CD63: variants seen among roughly 807,000 people sequenced by gnomAD.
CD63 encodes CD63 molecule, also known as CD63 antigen.
In CD63, 16 loss-of-function variants were observed where a neutral mutation model predicts 29.2. The observed-to-expected ratio is 0.55, with a 90% confidence interval of 0.37 to 0.83. CD63 has a LOEUF of 0.83. Among genes scored for constraint, CD63 ranks in the 40% least tolerant of loss-of-function variants. The pLI, the probability that CD63 is intolerant of heterozygous loss-of-function variation, is 0.00. For missense variants in CD63, 251 were observed against 297.3 expected, an observed-to-expected ratio of 0.84 and a Z score of 1.15; for synonymous variants, 118 against 111.7, an observed-to-expected ratio of 1.06 and a Z score of -0.36.
chr12:55,728,923 C>T lies in CD63; in HGVS notation c.-12+30G>A. The T allele has an allele frequency of 3.0e-6, 3 of 985,650 alleles. No homozygotes were observed. The highest frequency in any genetic ancestry group is 3.6e-6 in the Non-Finnish European group (3 of 830,024). 61.1% of individuals were successfully genotyped at this position (985,650 alleles called of 1,614,324 possible). ...TGCGGGTGGTCTCTCCCAGCCCGCGCCGAAGTCCGCCGGGTCCCCGCGGCC... is the reference window on the plus strand; with the variant it reads ...TGCGGGTGGTCTCTCCCAGCCCGCGTCGAAGTCCGCCGGGTCCCCGCGGCC... On this transcript the variant is annotated intron_variant, in intron 1 of 7. Coordinates refer to ENST00000257857, the MANE Select transcript of CD63 (RefSeq NM_001780.6). The surrounding 1 kb of genome is among the most constrained non-coding windows in gnomAD (Gnocchi z 4.8).
upstream of CD63, chr12:55,729,054 C>T (rs921172575): frequency 1.0e-6 from 1 of 985,464 alleles, no homozygotes; most frequent in Middle Eastern, 5.2e-4. Context: ...GCGGCCCCGC[C>T]CCGGGCTCCA....
intron 4 of CD63, 45 bp downstream of exon 4, chr12:55,726,845 C>A: frequency 1.2e-6 from 2 of 1,608,294 alleles, no homozygotes; most frequent in Non-Finnish European, 1.7e-6. Context: ...GCACCAGGGT[C>A]CCAGACCCGG....
chr12:55,724,051 T>C, downstream of CD63: 1 of 1,608,110 alleles, frequency 6.2e-7, no homozygotes, highest in Non-Finnish European at 8.5e-7. Flanking sequence ...TCACCAAGTG[T>C]GAGTAGCCAG....
At chr12:55,726,324 GAT>G in intron 5 of CD63, 63 bp from the exon 6 acceptor site, 1 of 612,158 alleles carries the variant, frequency 1.6e-6, no homozygotes, top group Non-Finnish European at 2.9e-6. Context: ...TCAATATGGA[GAT>G]GAGAATTCTT....
downstream of CD63, chr12:55,723,550 GTTTTT>G (rs769146695): frequency 1.4e-4 from 47 of 325,178 alleles, no homozygotes; most frequent in Non-Finnish European, 2.6e-4. Context: ...GCTGATAATG[GTTTTT>G]TTTATTTTTA....
rs1877457429 is a variant in CD63 at position 55,726,943 on chromosome 12, TAA to T, written c.275_276del (p.Leu92HisfsTer16). On this transcript the variant is annotated frameshift_variant, in exon 4 of 8. Transcript: ENST00000257857. LOFTEE classifies it high-confidence loss of function. ...GCTGCGGCCACCTCCACCAACATGATAAGAGACAGAAAGATGGCAAACTGCAG... is the reference window on the plus strand; with the variant it reads ...GCTGCGGCCACCTCCACCAACATGATGAGACAGAAAGATGGCAAACTGCAG... ...LMITFAIFLS[L>X]IMLVEVAAAI... 6.2e-7 allele frequency: 1 copy of T among 1,613,842 alleles called. No homozygotes were observed. The highest frequency in any genetic ancestry group is 1.3e-5 in the African/African-American group (1 of 74,842).
rs1339576333 is a variant in CD63, at chr12:55,728,360, A to G, written c.-11-8T>C. ...CCGCCATGGCTGCCGGGCCTGGGGCAGAGGGGAGGGCGGGGGGATTAAAAC... is the reference window on the plus strand; with the variant it reads ...CCGCCATGGCTGCCGGGCCTGGGGCGGAGGGGAGGGCGGGGGGATTAAAAC... On this transcript the variant is annotated splice_region_variant and splice_polypyrimidine_tract_variant and intron_variant, in intron 1 of 7. Transcript: ENST00000257857. This position sits in a 1 kb window ranked among gnomAD's most constrained non-coding sequence, Gnocchi z 4.8. 3 of 1,606,760 alleles carry G rather than the reference A, an allele frequency of 1.9e-6. No individual in the cohort carries two copies. The highest frequency in any genetic ancestry group is 2.5e-6 in the Non-Finnish European group (3 of 1,177,408).
downstream of CD63, chr12:55,724,759 G>A (rs1877128302): frequency 1.6e-6 from 1 of 625,732 alleles, no homozygotes; most frequent in Non-Finnish European, 2.9e-6. Flanking sequence ...CACGGTCTCT[G>A]GCCTGTTCAG....
At chr12:55,726,565 G>C (rs894507898) in intron 5 of CD63, 135 bp downstream of exon 5, 15 of 740,560 alleles carry the variant, frequency 2.0e-5, no homozygotes, top group Non-Finnish European at 3.3e-5. Flanking sequence ...GGCTAGTCTT[G>C]AACTTCTGAC....
At position 55,728,413 on chromosome 12, in the gene CD63, G is replaced by T; in HGVS notation, c.-11-61C>A. The stretch of plus-strand genomic sequence containing the variant: ...GCCGAAGGGGGACCTCGGTTTCCGG[G>T]CTCCCGGCCGGCCCTCGAGGGCTTC... On this transcript the variant is annotated intron_variant, in intron 1 of 7. Coordinates refer to ENST00000257857, the MANE Select transcript of CD63 (RefSeq NM_001780.6). The surrounding 1 kb of genome is among the most constrained non-coding windows in gnomAD (Gnocchi z 4.8). 6.4e-7 allele frequency: 1 copy of T among 1,554,742 alleles called. No individual in the cohort carries two copies. The highest frequency in any genetic ancestry group is 8.7e-7 in the Non-Finnish European group (1 of 1,150,144).
intron 7 of CD63, 63 bp from the exon 8 acceptor site, chr12:55,725,689 T>C (rs1238285597): frequency 7.8e-6 from 12 of 1,535,704 alleles, no homozygotes; most frequent in Non-Finnish European, 9.0e-6. Context: ...CTCAGACCCA[T>C]GCAAGAGACT....
At chr12:55,723,987 C>T, downstream of CD63, 2 of 1,613,808 alleles carry the variant, frequency 1.2e-6, no homozygotes, top group Non-Finnish European at 1.7e-6. Flanking sequence ...ACCCTGCAGG[C>T]CTGCTGGGCA....
chr12:55,727,099 A>T (rs1877477956), intron 3 of CD63, 52 bp downstream of exon 3: 2 of 1,576,566 alleles, frequency 1.3e-6, no homozygotes, highest in African/African-American at 2.7e-5. Flanking sequence ...AGCCCGAACC[A>T]AGCTGCTCTG....
chr12:55,725,191 C>A, downstream of CD63: 1 of 303,498 alleles, frequency 3.3e-6, no homozygotes. Context: ...GCAGGTGGGA[C>A]CTTTCTGGGG....
Position 55,725,558 on chromosome 12 carries a change from C to G in CD63, c.*3G>C. Reference sequence around the variant, plus strand: ...AGATGAGGAGGCTGAGGAGACCAGACCCCTACATCACCTCGTAGCCACTTC... The same window carrying G: ...AGATGAGGAGGCTGAGGAGACCAGAGCCCTACATCACCTCGTAGCCACTTC... On this transcript the variant is annotated 3_prime_UTR_variant, in exon 8 of 8. Coordinates refer to ENST00000257857, the MANE Select transcript of CD63 (RefSeq NM_001780.6). 1 of 1,612,652 alleles carries G rather than the reference C, an allele frequency of 6.2e-7. No individual in the cohort carries two copies. The highest frequency in any genetic ancestry group is 8.5e-7 in the Non-Finnish European group (1 of 1,178,732).
upstream of CD63, chr12:55,729,223 A>C: frequency 2.4e-6 from 2 of 842,794 alleles, no homozygotes; most frequent in South Asian, 5.4e-5. Context: ...CACCCCCGCA[A>C]AGGGAAAGCC....
chr12:55,728,030 G>T lies in CD63; in HGVS notation c.66+246C>A. 1 of 861,274 alleles carries T rather than the reference G, an allele frequency of 1.2e-6. No homozygotes were observed. The highest frequency in any genetic ancestry group is 1.7e-6 in the Non-Finnish European group (1 of 591,036). 53.4% of individuals were successfully genotyped at this position (861,274 alleles called of 1,614,324 possible). A position where few individuals can be genotyped will look rare whatever the true frequency, so the allele number is the denominator to read the frequency against. The stretch of plus-strand genomic sequence containing the variant: ...CATATCACAAGTGGTTGGGTCACCA[G>T]ACAGGAAGGGCCAGGAGGGATGGGG... On this transcript the variant is annotated intron_variant, in intron 2 of 7. Coordinates refer to ENST00000257857, the MANE Select transcript of CD63 (RefSeq NM_001780.6). The surrounding 1 kb of genome is among the most constrained non-coding windows in gnomAD (Gnocchi z 4.8).
Position 55,728,592 on chromosome 12 carries a change from A to C in CD63, c.-11-240T>G. 1 of 1,368,880 alleles carries C rather than the reference A, an allele frequency of 7.3e-7. No homozygotes were observed. The highest frequency in any genetic ancestry group is 9.4e-7 in the Non-Finnish European group (1 of 1,060,980). The allele number at this position is 1,368,880 out of a possible 1,614,324, so 84.8% of individuals were successfully genotyped here. On this transcript the variant is annotated intron_variant, in intron 1 of 7. Transcript: ENST00000257857. This position sits in a 1 kb window ranked among gnomAD's most constrained non-coding sequence, Gnocchi z 4.8. ...CGCCTCTGGGGCCCAGGACAGATCC[A>C]AGGGCGCCGGCAGGGGCTTGAGCCT...
chr12:55,729,099 C>T, upstream of CD63: 11 of 985,368 alleles, frequency 1.1e-5, no homozygotes, highest in Non-Finnish European at 1.3e-5. Flanking sequence ...TGGCCGCCGG[C>T]CTCCCTCATG....
Sources: gnomAD v4.1 joint callset for allele counts on GRCh38, gnomAD v4.1.1 for gene constraint, Gnocchi (gnomAD v3.1) non-coding constraint, MANE v1.5 for transcripts, NCBI Gene and HGNC (gene_info 2026-07-23, HGNC 2026-07-21) for gene names.